TBC1D10A: variants seen among roughly 807,000 people sequenced by gnomAD.
The protein encoded by TBC1D10A is TBC1 domain family member 10A, also known as EBP50-PDX interactor of 64 kDa.
In TBC1D10A, 24 loss-of-function variants were observed where a neutral mutation model predicts 52.9. The ratio of observed to expected loss-of-function variants is 0.45; its 90% confidence interval spans 0.33 to 0.64. The LOEUF (loss-of-function observed/expected upper bound fraction) is 0.64. Among genes scored for constraint, TBC1D10A ranks in the 30% least tolerant of loss-of-function variants. The pLI, the probability that TBC1D10A is intolerant of heterozygous loss-of-function variation, is 0.02. For synonymous variants in TBC1D10A, 278 were observed against 282.9 expected, an observed-to-expected ratio of 0.98 and a Z score of 0.17; for missense variants, 602 against 687.9, an observed-to-expected ratio of 0.88 and a Z score of 1.40.
chr22:30,292,669 G>A lies in TBC1D10A; in HGVS notation c.1233C>T (p.Arg411=), dbSNP rs2145759576. ...CAGGGAGGGGGGCATCTAGGGGCAGGCGGATGGATGGTGAAGGTTGTAGGG... is the reference window on the plus strand; with the variant it reads ...CAGGGAGGGGGGCATCTAGGGGCAGACGGATGGATGGTGAAGGTTGTAGGG... ...RPALQPSPSI[R]LPLDAPLPGS... The change falls in exon 9 of 9, where the codon CGC becomes CGT. Residue 411 remains arginine, a synonymous_variant. Transcript: ENST00000215790. 2 of 1,609,872 alleles carry A rather than the reference G, an allele frequency of 1.2e-6. No homozygotes were observed. Among genetic ancestry groups the A allele is most frequent in the East Asian group, 2.2e-5 (1 of 44,838 alleles).
chr22:30,293,128 CCAGA>C (rs1239895925), intron 8 of TBC1D10A: 3 of 633,204 alleles, frequency 4.7e-6, no homozygotes, highest in African/African-American at 1.8e-5. Context: ...GGGGTAAGAC[CCAGA>C]CAGACAAAAA....
rs530980848 is a variant in TBC1D10A, at chr22:30,292,459, AGGGGCTGAGTCCTTG to A, written c.1428_1442del (p.Lys477_Pro481del). The A allele has an allele frequency of 2.4e-4, 387 of 1,603,506 alleles. No individual in the cohort carries two copies. The highest frequency in any genetic ancestry group is 2.8e-4 in the Non-Finnish European group (325 of 1,174,216). On this transcript the variant is annotated inframe_deletion, in exon 9 of 9. Transcript: ENST00000215790. ...CTGAGACCTGGGGAGCCAAATCCTGAGGGGCTGAGTCCTTGGGGGCTGAGTCCTTCGGGGGCACAT... is the reference window on the plus strand; with the variant it reads ...CTGAGACCTGGGGAGCCAAATCCTGAGGGGCTGAGTCCTTCGGGGGCACAT...
In TBC1D10A at chr22:30,292,804, G is replaced by C; in HGVS notation, c.1098C>G (p.Leu366=). The C allele has an allele frequency of 6.2e-7, 1 of 1,611,958 alleles. No individual in the cohort carries two copies. The highest frequency in any genetic ancestry group is 8.5e-7 in the Non-Finnish European group (1 of 1,179,956). Residue 366 remains leucine (L), a synonymous_variant, in exon 9 of 9, where the codon CTC becomes CTG. Transcript: ENST00000215790. The part of the protein sequence containing the change: ...VTERQIEREH[L]IQLRRWQETR... ...TCTCCTGCCAGCGCCGCAGCTGAAT[G>C]AGGTGTTCGCGCTCAATCTGGCGCT...
chr22:30,308,288 CTGCATGCCTGCA>C (rs1569162140), intron 1 of TBC1D10A, among the ~76,000 whole-genome samples: 6 of 144,670 alleles, frequency 4.1e-5, no homozygotes, highest in African/African-American at 7.7e-5. Flanking sequence ...GCCTGCATGC[CTGCATGCCTGCA>C]TGCCTGCCTG....
Position 30,326,934 on chromosome 22 carries a change from C to G in TBC1D10A, c.-53G>C. ...AGCGGCCACCTCAGCCGCCCTGCTGCCGCCGACGCCCCGCCCACGCGCGGC... is the reference window on the plus strand; with the variant it reads ...AGCGGCCACCTCAGCCGCCCTGCTGGCGCCGACGCCCCGCCCACGCGCGGC... On this transcript the variant is annotated 5_prime_UTR_variant, in exon 1 of 9. Coordinates refer to ENST00000215790, the MANE Select transcript of TBC1D10A (RefSeq NM_031937.3). 7.4e-7 allele frequency: 1 copy of G among 1,354,780 alleles called. No homozygotes were observed. Among genetic ancestry groups the G allele is most frequent in the Admixed American group, 3.7e-5 (1 of 26,768 alleles). The allele number at this position is 1,354,780 out of a possible 1,614,324, so 83.9% of individuals were successfully genotyped here.
chr22:30,306,393 A>T (rs1930310305), intron 1 of TBC1D10A, among the ~76,000 whole-genome samples: 1 of 152,196 alleles, frequency 6.6e-6, no homozygotes, highest in African/African-American at 2.4e-5. Flanking sequence ...AACTGCAGGG[A>T]CTCAAAGATG....
At chr22:30,318,819 A>G (rs1930590522) in intron 1 of TBC1D10A, 1 of 422,692 alleles carries the variant, frequency 2.4e-6, no homozygotes, top group Non-Finnish European at 4.8e-6. Flanking sequence ...GCTCCTCTTT[A>G]TGCCGTCTTC....
At chr22:30,321,217 C>T (rs958292431) in intron 1 of TBC1D10A, among the ~76,000 whole-genome samples, 2 of 152,156 alleles carry the variant, frequency 1.3e-5, no homozygotes, top group Non-Finnish European at 2.9e-5. Flanking sequence ...GATATTCCTT[C>T]GAGGCTAAGA....
chr22:30,321,693 C>T (rs750436984), intron 1 of TBC1D10A, among the ~76,000 whole-genome samples: 19 of 152,252 alleles, frequency 1.2e-4, no homozygotes, highest in South Asian at 2.1e-4. Flanking sequence ...GCAGACTGGG[C>T]GGACTGAGGC....
Position 30,309,316 on chromosome 22 carries a change from A to C in TBC1D10A, c.210-4686T>G, listed in dbSNP as rs564720534. ...CAGTGGCATGATCTCAGCTCACTGCAACCTCCACCTCCCGGGTTTAAGTGA... is the reference window on the plus strand; with the variant it reads ...CAGTGGCATGATCTCAGCTCACTGCCACCTCCACCTCCCGGGTTTAAGTGA... On this transcript the variant is annotated intron_variant, in intron 1 of 8. Coordinates refer to ENST00000215790, the MANE Select transcript of TBC1D10A (RefSeq NM_031937.3). Among the ~76,000 whole-genome samples the C allele has an allele frequency of 4.8e-3, 721 of 151,766 alleles. 8 individuals carry two copies. The highest frequency in any genetic ancestry group is 4.3e-3 in the Non-Finnish European group (295 of 67,932).
At chr22:30,299,336 T>A in intron 3 of TBC1D10A, 108 bp downstream of exon 3, 1 of 1,133,014 alleles carries the variant, frequency 8.8e-7, no homozygotes, top group Non-Finnish European at 1.3e-6. Flanking sequence ...GGAGGTTTCA[T>A]GGACTGCTCA....
intron 1 of TBC1D10A, among the ~76,000 whole-genome samples, chr22:30,305,413 T>G (rs1036698092): frequency 6.6e-6 from 1 of 152,250 alleles, no homozygotes; most frequent in African/African-American, 2.4e-5. Flanking sequence ...TTTTTCTGCT[T>G]TCTTAACAGA....
At chr22:30,322,173 G>A (rs1042742579) in intron 1 of TBC1D10A, among the ~76,000 whole-genome samples, 1 of 151,984 alleles carries the variant, frequency 6.6e-6, no homozygotes, top group African/African-American at 2.4e-5. Context: ...TAGAGACGGG[G>A]TTTCACCATG....
chr22:30,310,540 C>G (rs939189721), intron 1 of TBC1D10A, among the ~76,000 whole-genome samples: 5 of 152,172 alleles, frequency 3.3e-5, no homozygotes, highest in Non-Finnish European at 7.3e-5. Flanking sequence ...CTGCTTTGCT[C>G]TCTGAGCTTC....
At chr22:30,318,720 C>T (rs906212420) in intron 1 of TBC1D10A, 20 of 470,964 alleles carry the variant, frequency 4.2e-5, no homozygotes, top group Non-Finnish European at 8.4e-5. Flanking sequence ...GCCTCTTTAT[C>T]CTCACTGCTC....
intron 1 of TBC1D10A, among the ~76,000 whole-genome samples, chr22:30,325,369 CG>C (rs2145789484): frequency 6.6e-6 from 1 of 152,306 alleles, no homozygotes; most frequent in Admixed American, 6.5e-5. Context: ...ACAGTTAAAG[CG>C]CTTCCATAAG....
intron 2 of TBC1D10A, among the ~76,000 whole-genome samples, chr22:30,303,084 C>A (rs1250408585): frequency 6.6e-6 from 1 of 152,202 alleles, no homozygotes; most frequent in South Asian, 2.1e-4. Flanking sequence ...AGTTCCAGAC[C>A]GGCCTGGGCA....
chr22:30,294,097 A>G lies in TBC1D10A; in HGVS notation c.719T>C (p.Leu240Pro). 6.2e-7 allele frequency: 1 copy of G among 1,613,864 alleles called. No homozygotes were observed. Among genetic ancestry groups the G allele is most frequent in the Non-Finnish European group, 8.5e-7 (1 of 1,179,968 alleles). ...CAGCGAGAAAAGGATCTCCCCGTCC[A>G]GCTGGATCGCCTCCTAGGGAGACAT... ...YYSEKLEAIQLDGEILFSLLQ... is the reference protein window; with the variant it reads ...YYSEKLEAIQPDGEILFSLLQ... Residue 240 changes from leucine (L) to proline (P), a missense_variant, in exon 7 of 9, where the codon CTG (leucine) becomes CCG (proline). Leu to Pro is a moderately conservative substitution (Grantham distance 98). Coordinates refer to ENST00000215790, the MANE Select transcript of TBC1D10A (RefSeq NM_031937.3).
At chr22:30,294,388 C>A (rs1261786159) in intron 6 of TBC1D10A, among the ~76,000 whole-genome samples, 1 of 152,212 alleles carries the variant, frequency 6.6e-6, no homozygotes, top group African/African-American at 2.4e-5. Context: ...GGACTGCTCT[C>A]AAGCATGTGC....
Sources: allele counts gnomAD v4.1 joint callset (sites outside exome capture counted in the v4.1 genomes callset), GRCh38; gene constraint gnomAD v4.1.1; transcripts MANE v1.5; gene names NCBI Gene and HGNC (gene_info 2026-07-23, HGNC 2026-07-21).